The following TEK variants were observed in gnomAD, a reference collection of about 807,000 sequenced individuals.
TEK encodes angiopoietin-1 receptor.
TEK carries 43 observed loss-of-function variants against 131.8 expected under a neutral mutation model. The observed-to-expected ratio is 0.33, with a 90% CI of 0.26 to 0.42. The LOEUF is 0.42. Among genes scored for constraint, TEK ranks in the 10% least tolerant of loss-of-function variants. The probability of loss-of-function intolerance (pLI) is 1.00; values close to 1 mark genes in which losing one functional copy is unlikely to be tolerated. For synonymous variants in TEK, 580 were observed against 491.6 expected (o/e 1.18, Z -2.38); for missense variants, 1,162 against 1,384.4 (o/e 0.84, Z 2.55).
chr9:27,180,906 T>C (rs1417059130), intron 7 of TEK, among the ~76,000 whole-genome samples: 2 of 152,222 alleles, frequency 1.3e-5, no homozygotes, highest in African/African-American at 4.8e-5. Flanking sequence ...ATTTTTTATA[T>C]TATAATGTTC....
At chr9:27,151,717 C>T (rs375520664) in intron 1 of TEK, among the ~76,000 whole-genome samples, 36 of 152,264 alleles carry the variant, frequency 2.4e-4, no homozygotes, top group East Asian at 5.8e-4. Flanking sequence ...AGCTACGAGA[C>T]GGTTGTATAT....
At chr9:27,119,585 G>A (rs1321427900) in intron 1 of TEK, among the ~76,000 whole-genome samples, 1 of 152,142 alleles carries the variant, frequency 6.6e-6, no homozygotes, top group South Asian at 2.1e-4. Flanking sequence ...GGGTTCTTGG[G>A]CTTCTGCTAA....
intron 16 of TEK, among the ~76,000 whole-genome samples, chr9:27,210,991 G>A (rs1203657119): frequency 1.3e-5 from 2 of 151,864 alleles, no homozygotes; most frequent in East Asian, 1.9e-4. Flanking sequence ...GCCTAGTGGC[G>A]CATGCCTGTA....
rs371773503 is a variant in TEK at position 27,202,263 on chromosome 9, AC to A, written c.1910-555del. 4.2e-3 allele frequency among the ~76,000 whole-genome samples: 639 copies of A among 152,258 alleles called. 7 individuals are homozygous for A. The highest frequency in any genetic ancestry group is 0.015 in the African/African-American group (611 of 41,554). On this transcript the variant is annotated intron_variant, in intron 12 of 22. Coordinates refer to ENST00000380036, the MANE Select transcript of TEK (RefSeq NM_000459.5). ...AGCACATTTTCTCATGTATACACTG[AC>A]CTGCCTGCTGCTCCATAAATTGAGG...
At chr9:27,161,180 T>G (rs963391759) in intron 2 of TEK, among the ~76,000 whole-genome samples, 2 of 152,212 alleles carry the variant, frequency 1.3e-5, no homozygotes, top group African/African-American at 2.4e-5. Context: ...AGGTAAAGGA[T>G]GGCTTAACTT....
chr9:27,132,914 T>C (rs1194345920), intron 1 of TEK, among the ~76,000 whole-genome samples: 1 of 152,202 alleles, frequency 6.6e-6, no homozygotes, highest in Non-Finnish European at 1.5e-5. Context: ...GGTTTGGCTG[T>C]TTGGTTTAAA....
intron 14 of TEK, among the ~76,000 whole-genome samples, chr9:27,205,542 G>A (rs929049309): frequency 3.3e-5 from 5 of 152,086 alleles, no homozygotes; most frequent in Admixed American, 6.5e-5. Flanking sequence ...CCCCTCGTAT[G>A]TGTAAGAATT....
chr9:27,217,656 A>G (rs1825868047), intron 18 of TEK, 32 bp from the exon 19 acceptor site: 1 of 1,607,470 alleles, frequency 6.2e-7, no homozygotes, highest in Admixed American at 1.7e-5. Context: ...ACCCTGTCCC[A>G]GTTAAGTGAA....
At chr9:27,189,754 G>A (rs562109249) in intron 9 of TEK, among the ~76,000 whole-genome samples, 74 of 152,222 alleles carry the variant, frequency 4.9e-4, no homozygotes, top group African/African-American at 1.7e-3. Flanking sequence ...CCTCCAGAAA[G>A]GAACACAGCC....
chr9:27,173,178 G>A, intron 5 of TEK, 44 bp from the exon 6 acceptor site: 1 of 1,611,496 alleles, frequency 6.2e-7, no homozygotes, highest in Non-Finnish European at 8.5e-7. Flanking sequence ...ATTTCAAGGG[G>A]TTGCATATTT....
At chr9:27,128,830 A>G (rs1587488784) in intron 1 of TEK, among the ~76,000 whole-genome samples, 1 of 152,176 alleles carries the variant, frequency 6.6e-6, no homozygotes, top group Non-Finnish European at 1.5e-5. Context: ...TTGATTTTCT[A>G]TCCTGAGACT....
rs953093620 is a variant in TEK at position 27,229,709 on chromosome 9, T to G, written c.*477T>G. Reference sequence around the variant, plus strand: ...TTCTAACAAGTCATAGGTTAATATTTAAGACACTGAAAAATCTAAGTGATA... The same window carrying G: ...TTCTAACAAGTCATAGGTTAATATTGAAGACACTGAAAAATCTAAGTGATA... On this transcript the variant is annotated 3_prime_UTR_variant, in exon 23 of 23. Transcript: ENST00000380036. 1 of 172,344 alleles carries G rather than the reference T, an allele frequency of 5.8e-6. No homozygotes were observed. Among genetic ancestry groups the G allele is most frequent in the African/African-American group, 2.4e-5 (1 of 41,800 alleles). The allele number at this position is 172,344 out of a possible 1,614,324, so 10.7% of individuals were successfully genotyped here.
chr9:27,122,595 T>C (rs904143290), intron 1 of TEK, among the ~76,000 whole-genome samples: 2 of 151,814 alleles, frequency 1.3e-5, no homozygotes, highest in Non-Finnish European at 2.9e-5. Context: ...GCCTTTAGGG[T>C]ATAGGATGAA....
intron 21 of TEK, among the ~76,000 whole-genome samples, chr9:27,225,182 C>T (rs1311712044): frequency 2.0e-5 from 3 of 150,684 alleles, no homozygotes; most frequent in African/African-American, 7.3e-5. Flanking sequence ...GCCACACTGC[C>T]CAGTGTTATC....
chr9:27,132,762 G>A (rs928132321), intron 1 of TEK, among the ~76,000 whole-genome samples: 11 of 152,270 alleles, frequency 7.2e-5, no homozygotes, highest in African/African-American at 2.4e-4. Context: ...TAGACATACA[G>A]AAAAATGTTT....
intron 10 of TEK, chr9:27,192,032 A>T (rs1030934431): frequency 4.5e-6 from 2 of 443,782 alleles, no homozygotes; most frequent in South Asian, 3.3e-5. Flanking sequence ...AGAATGCTTC[A>T]TTGTAATAGT....
At chr9:27,165,023 T>C (rs1425667582) in intron 2 of TEK, among the ~76,000 whole-genome samples, 1 of 152,196 alleles carries the variant, frequency 6.6e-6, no homozygotes, top group Non-Finnish European at 1.5e-5. Context: ...TTTCCTTCGT[T>C]AGTACTCAAC....
chr9:27,139,170 G>A (rs552554633), intron 1 of TEK, among the ~76,000 whole-genome samples: 50 of 130,456 alleles, frequency 3.8e-4, no homozygotes, highest in Non-Finnish European at 6.3e-4. Flanking sequence ...CCGAGATCAC[G>A]CCACTGCACT....
intron 1 of TEK, among the ~76,000 whole-genome samples, chr9:27,130,802 G>A (rs934158354): frequency 7.2e-5 from 11 of 151,900 alleles, no homozygotes; most frequent in South Asian, 2.1e-4. Flanking sequence ...GTCTGACCTC[G>A]TGATTCACAT....
Sources: allele counts gnomAD v4.1 joint callset (sites outside exome capture counted in the v4.1 genomes callset), GRCh38; gene constraint gnomAD v4.1.1; transcripts MANE v1.5; gene names NCBI Gene and HGNC (gene_info 2026-07-23, HGNC 2026-07-21).